RABL6: variants seen among roughly 807,000 people sequenced by gnomAD.
RABL6 encodes the protein RAB, member RAS oncogene family like 6.
Under a neutral mutation model 72.9 loss-of-function variants are expected in RABL6, and 28 were observed. The observed-to-expected ratio is 0.38, with a 90% CI of 0.28 to 0.53. RABL6 has a LOEUF of 0.53. Ranked by LOEUF, RABL6 falls within the 20% of genes least tolerant of loss-of-function variation. The pLI is 0.80. For synonymous variants in RABL6, 477 were observed against 421.2 expected, an observed-to-expected ratio of 1.13 and a Z score of -1.62; for missense variants, 1,029 against 1,008.4, an observed-to-expected ratio of 1.02 and a Z score of -0.28.
At position 136,835,607 on chromosome 9, in the gene RABL6, T is replaced by G. The variant is rs1848570619; in HGVS notation, c.706-135T>G. On this transcript the variant is annotated intron_variant, in intron 7 of 14. Transcript: ENST00000311502. ...GGGCCCAGCGCAGAGCTCCATGAGT[T>G]GCTGAGCAGCCAGCCCTGCAGCATC... 3 of 723,298 alleles carry G rather than the reference T, an allele frequency of 4.1e-6. No homozygotes were observed. In the African/African-American group the frequency reaches 5.4e-5, roughly 13 times the overall value. The allele number at this position is 723,298 out of a possible 1,614,324, so 44.8% of individuals were successfully genotyped here. A position where few individuals can be genotyped will look rare whatever the true frequency, so the allele number is the denominator to read the frequency against.
chr9:136,836,878 CTCTT>C (rs1221492427), intron 8 of RABL6: 1 of 323,016 alleles, frequency 3.1e-6, no homozygotes, highest in Non-Finnish European at 6.0e-6. Context: ...GGCACTGCTG[CTCTT>C]TCTTTTTCTG....
intron 7 of RABL6, chr9:136,832,890 G>T: frequency 6.2e-6 from 2 of 322,626 alleles, no homozygotes; most frequent in Admixed American, 4.4e-5. Flanking sequence ...AGAAACAAGG[G>T]CCAGGCCAGC....
intron 1 of RABL6, among the ~76,000 whole-genome samples, chr9:136,810,591 G>C (rs929200301): frequency 4.6e-5 from 7 of 152,068 alleles, no homozygotes; most frequent in African/African-American, 1.2e-4. Flanking sequence ...TCCCAGGCTG[G>C]AGTGCAGTGG....
At chr9:136,817,029 A>G (rs553039874) in intron 1 of RABL6, among the ~76,000 whole-genome samples, 4 of 152,234 alleles carry the variant, frequency 2.6e-5, no homozygotes, top group Non-Finnish European at 4.4e-5. Context: ...TGCAATTATT[A>G]TGTCAATTAT....
At chr9:136,823,042 A>T (rs555473314) in intron 1 of RABL6, among the ~76,000 whole-genome samples, 2 of 150,024 alleles carry the variant, frequency 1.3e-5, no homozygotes, top group Non-Finnish European at 3.0e-5. Flanking sequence ...GAGCCGAGAT[A>T]GCACCACTGC....
chr9:136,808,557 C>T (rs1847923655), intron 1 of RABL6: 3 of 273,490 alleles, frequency 1.1e-5, no homozygotes, highest in African/African-American at 4.5e-5. Flanking sequence ...CAGCCGCACT[C>T]GCCTGCCGCG....
At chr9:136,817,344 G>A (rs560580589) in intron 1 of RABL6, among the ~76,000 whole-genome samples, 26 of 152,284 alleles carry the variant, frequency 1.7e-4, no homozygotes, top group African/African-American at 6.0e-4. Flanking sequence ...GAAGTCCAGA[G>A]TTTAAAAACA....
Position 136,823,571 on chromosome 9 carries a change from G to A in RABL6, c.177G>A (p.Leu59=), listed in dbSNP as rs766859620. The A allele has an allele frequency of 1.9e-5, 30 of 1,613,766 alleles. No homozygotes were observed. The highest frequency in any genetic ancestry group is 2.3e-5 in the Non-Finnish European group (27 of 1,179,878). ...ACAGGAACACGGGCAAGACAGCGCTGTGGCACCGCCTGCAGGGCCGGCCGT... is the reference window on the plus strand; with the variant it reads ...ACAGGAACACGGGCAAGACAGCGCTATGGCACCGCCTGCAGGGCCGGCCGT... The part of the protein sequence containing the change: ...RGDRNTGKTA[L]WHRLQGRPFV... The change falls in exon 2 of 15, where the codon CTG becomes CTA. Residue 59 remains leucine (L), a synonymous_variant. Coordinates refer to ENST00000311502, the MANE Select transcript of RABL6 (RefSeq NM_024718.5).
At chr9:136,833,801 T>C (rs918312872) in intron 7 of RABL6, 1 of 1,550,548 alleles carries the variant, frequency 6.4e-7, no homozygotes, top group Non-Finnish European at 8.7e-7. Flanking sequence ...AGGCTGGGAC[T>C]GCTGCTGGGG....
In RABL6 at chr9:136,831,874, G is replaced by A; in HGVS notation, c.599+13G>A. 2.5e-6 allele frequency: 4 copies of A among 1,602,588 alleles called. No individual in the cohort carries two copies. Among genetic ancestry groups the A allele is most frequent in the Non-Finnish European group, 3.4e-6 (4 of 1,173,274 alleles). ...ACAACCTGGACAGGTGGGTGCGGTGGCCCTGCTCCCGAGGGACCCTGCCCG... is the reference window on the plus strand; with the variant it reads ...ACAACCTGGACAGGTGGGTGCGGTGACCCTGCTCCCGAGGGACCCTGCCCG... On this transcript the variant is annotated intron_variant, in intron 6 of 14. Coordinates refer to ENST00000311502, the MANE Select transcript of RABL6 (RefSeq NM_024718.5).
intron 1 of RABL6, among the ~76,000 whole-genome samples, chr9:136,811,558 C>T (rs1848012045): frequency 6.7e-6 from 1 of 149,296 alleles, no homozygotes; most frequent in South Asian, 2.1e-4. Flanking sequence ...GCAGAAGTTA[C>T]AGTGAGCTGA....
chr9:136,811,016 C>G (rs1287821980), intron 1 of RABL6, among the ~76,000 whole-genome samples: 2 of 152,192 alleles, frequency 1.3e-5, no homozygotes, highest in Admixed American at 1.3e-4. Flanking sequence ...TCCCGGTAGA[C>G]GTGTGGGACA....
intron 2 of RABL6, among the ~76,000 whole-genome samples, chr9:136,824,300 G>T (rs1265587547): frequency 1.5e-5 from 2 of 131,996 alleles, no homozygotes; most frequent in Non-Finnish European, 3.4e-5. Flanking sequence ...TTGTTTGTTT[G>T]TTCGTTTGTT....
chr9:136,838,309 A>G (rs1848621955), intron 10 of RABL6, among the ~76,000 whole-genome samples: 2 of 152,180 alleles, frequency 1.3e-5, no homozygotes, highest in Non-Finnish European at 2.9e-5. Flanking sequence ...AGGCCACTGC[A>G]GGTCATATGG....
At chr9:136,810,280 C>T (rs1405972363) in intron 1 of RABL6, among the ~76,000 whole-genome samples, 5 of 152,126 alleles carry the variant, frequency 3.3e-5, no homozygotes, top group Non-Finnish European at 7.4e-5. Flanking sequence ...TGCACCAGGA[C>T]CACCCCTGTG....
rs1402457711 is a variant in RABL6, at chr9:136,834,007, AC to A, written c.705+1640del. 1.5e-5 allele frequency: 22 copies of A among 1,493,334 alleles called. No individual in the cohort carries two copies. The South Asian group carries it at 2.5e-4, about 17-fold the overall frequency. 92.5% of individuals were successfully genotyped at this position (1,493,334 alleles called of 1,614,324 possible). On this transcript the variant is annotated intron_variant, in intron 7 of 14. Transcript: ENST00000311502. ...CAAAGCCTCCCAGGGAGAGAACGGGACCCTGGACAGAGTCTTGAGCTGGAAG... is the reference window on the plus strand; with the variant it reads ...CAAAGCCTCCCAGGGAGAGAACGGGACCTGGACAGAGTCTTGAGCTGGAAG...
chr9:136,821,178 C>T (rs959761067), intron 1 of RABL6, among the ~76,000 whole-genome samples: 3 of 152,216 alleles, frequency 2.0e-5, no homozygotes, highest in Non-Finnish European at 4.4e-5. Flanking sequence ...GAGCATGTGC[C>T]ATTTTTACAA....
rs1301889866 is a variant in RABL6, at chr9:136,839,725, A to T, written c.1790A>T (p.Asp597Val). 6.2e-7 allele frequency: 1 copy of T among 1,605,916 alleles called. No individual in the cohort carries two copies. Among genetic ancestry groups the T allele is most frequent in the Non-Finnish European group, 8.5e-7 (1 of 1,175,536 alleles). ...DDFPVRDDPS[D>V]VTDEDEGPAE... ...TTTCCCGTGCGAGATGACCCCTCCG[A>T]TGTGACTGACGAGGATGAGGGCCCT... The change falls in exon 13 of 15, where the codon GAT becomes GTT. Residue 597 changes from aspartate (D) to valine (V), a missense_variant. By Grantham distance (152) the Asp-to-Val change is radical. This residue lies in a region of RABL6 where 595 missense variants were observed against 472.4 expected (regional missense o/e 1.26). Coordinates refer to ENST00000311502, the MANE Select transcript of RABL6 (RefSeq NM_024718.5).
rs1231442552 is a variant in RABL6, at chr9:136,826,280, A to C, written c.313+454A>C. On this transcript the variant is annotated intron_variant, in intron 3 of 14. Coordinates refer to ENST00000311502, the MANE Select transcript of RABL6 (RefSeq NM_024718.5). This position sits in a 1 kb window ranked among gnomAD's most constrained non-coding sequence, Gnocchi z 4.9. The stretch of plus-strand genomic sequence containing the variant: ...CTGGGGACCGTGGGAGGGCAGCACC[A>C]GCCCCCGGGGTGTCCTCGACATCGT... Among the ~76,000 whole-genome samples the C allele has an allele frequency of 6.6e-6, 1 of 152,122 alleles. No homozygotes were observed. The highest frequency in any genetic ancestry group is 2.4e-5 in the African/African-American group (1 of 41,440).
Sources: allele counts gnomAD v4.1 joint callset (sites outside exome capture counted in the v4.1 genomes callset), GRCh38; gene constraint gnomAD v4.1.1; regional missense constraint gnomAD v4.1.1; non-coding constraint Gnocchi (gnomAD v3.1); transcripts MANE v1.5; gene names NCBI Gene and HGNC (gene_info 2026-07-23, HGNC 2026-07-21).